The following PEBP4 variants were observed in gnomAD, a reference collection of about 807,000 sequenced individuals.
The protein encoded by PEBP4 is phosphatidylethanolamine binding protein 4.
Under a neutral mutation model 23.9 loss-of-function variants are expected in PEBP4, and 22 were observed. The observed-to-expected ratio is 0.92, with a 90% CI of 0.66 to 1.31. PEBP4 has a LOEUF of 1.31. PEBP4 is among the 40% of genes most tolerant of loss of function. The probability of loss-of-function intolerance (pLI) is 0.00; values close to 1 mark genes in which losing one functional copy is unlikely to be tolerated. For missense variants in PEBP4, 324 were observed against 281.7 expected (o/e 1.15, Z -1.07); for synonymous variants, 112 against 99.3 (o/e 1.13, Z -0.76).
upstream of PEBP4, among the ~76,000 whole-genome samples, chr8:22,929,487 C>T (rs1293318118): frequency 1.3e-5 from 2 of 152,242 alleles, no homozygotes; most frequent in Admixed American, 6.5e-5. Flanking sequence ...GTTGAGCCCA[C>T]TTCCAGTGGC....
intron 3 of PEBP4, among the ~76,000 whole-genome samples, chr8:22,858,981 A>G (rs1455433635): frequency 6.6e-6 from 1 of 152,164 alleles, no homozygotes; most frequent in East Asian, 1.9e-4. Flanking sequence ...ACTACACAGA[A>G]GGGACTACCT....
At chr8:22,936,201 CA>C (rs1395991145) in intron 1 of PEBP4, among the ~76,000 whole-genome samples, 1 of 150,970 alleles carries the variant, frequency 6.6e-6, no homozygotes, top group Non-Finnish European at 1.5e-5. Context: ...AGAGAAGACT[CA>C]AATTACTAAA....
chr8:22,864,804 G>A (rs1807851466), intron 3 of PEBP4, among the ~76,000 whole-genome samples: 1 of 152,244 alleles, frequency 6.6e-6, no homozygotes, highest in Non-Finnish European at 1.5e-5. Flanking sequence ...GTCCTAGCGG[G>A]TAGTACGCAC....
intron 1 of PEBP4, among the ~76,000 whole-genome samples, chr8:22,940,357 A>G (rs1416288358): frequency 6.6e-6 from 1 of 152,214 alleles, no homozygotes; most frequent in Non-Finnish European, 1.5e-5. Flanking sequence ...GAGGAGAATT[A>G]GAGAAATGTT....
chr8:22,834,909 C>T (rs914492556), intron 3 of PEBP4, among the ~76,000 whole-genome samples: 1 of 152,142 alleles, frequency 6.6e-6, no homozygotes, highest in Non-Finnish European at 1.5e-5. Flanking sequence ...GCCCAGGATT[C>T]AGCCCCTAGA....
rs866202787 is a variant in PEBP4 at position 22,915,879 on chromosome 8, C to T, written c.258+4305G>A. On this transcript the variant is annotated intron_variant, in intron 3 of 6. Coordinates refer to ENST00000256404, the MANE Select transcript of PEBP4 (RefSeq NM_144962.3). ...GTATACAGAGAAGGGTTGGTAGGGG[C>T]GGTGGACCTGTGAGTTCCGAGCTCT... Among the ~76,000 whole-genome samples the T allele has an allele frequency of 5.9e-5, 9 of 152,180 alleles. No homozygotes were observed. In the South Asian group the frequency reaches 1.0e-3, roughly 17 times the overall value.
At chr8:22,741,773 G>A (rs779132830) in intron 4 of PEBP4, among the ~76,000 whole-genome samples, 5 of 152,208 alleles carry the variant, frequency 3.3e-5, no homozygotes, top group East Asian at 1.9e-4. Flanking sequence ...GCAGGAGAGC[G>A]GGGTTGGGGG....
At chr8:22,890,314 T>G (rs576693413) in intron 3 of PEBP4, among the ~76,000 whole-genome samples, 3 of 152,322 alleles carry the variant, frequency 2.0e-5, no homozygotes, top group Non-Finnish European at 4.4e-5. Flanking sequence ...CAATGGCACA[T>G]TTCTACCAAG....
At chr8:22,807,770 A>T (rs1806529129) in intron 4 of PEBP4, among the ~76,000 whole-genome samples, 1 of 151,994 alleles carries the variant, frequency 6.6e-6, no homozygotes, top group South Asian at 2.1e-4. Flanking sequence ...CCATCCATAT[A>T]TCTGTCCACC....
At chr8:22,726,030 T>TGTGTGTGCGC (rs60294653) in intron 5 of PEBP4, among the ~76,000 whole-genome samples, 1 of 148,818 alleles carries the variant, frequency 6.7e-6, no homozygotes, top group Non-Finnish European at 1.5e-5. Flanking sequence ...TGTGTGTGTG[T>TGTGTGTGCGC]GCACGCGCAT....
At chr8:22,921,499 C>G (rs1206946208) in intron 2 of PEBP4, among the ~76,000 whole-genome samples, 2 of 152,202 alleles carry the variant, frequency 1.3e-5, no homozygotes, top group African/African-American at 2.4e-5. Context: ...GTGGGGAACC[C>G]TGCATTGCCC....
intron 3 of PEBP4, among the ~76,000 whole-genome samples, chr8:22,900,818 G>A (rs796786525): frequency 3.3e-5 from 5 of 152,060 alleles, no homozygotes; most frequent in African/African-American, 7.2e-5. Context: ...TTTTATATGC[G>A]TCACAGGGCT....
intron 4 of PEBP4, among the ~76,000 whole-genome samples, chr8:22,776,069 C>T (rs1805808496): frequency 6.6e-6 from 1 of 152,100 alleles, no homozygotes; most frequent in African/African-American, 2.4e-5. Context: ...TCTCCAGGGC[C>T]CTGGGGACCA....
chr8:22,834,031 T>C (rs1459640158), intron 3 of PEBP4, among the ~76,000 whole-genome samples: 1 of 152,202 alleles, frequency 6.6e-6, no homozygotes, highest in African/African-American at 2.4e-5. Flanking sequence ...ATGTGTCTTC[T>C]TCATAAAGAG....
intron 4 of PEBP4, among the ~76,000 whole-genome samples, chr8:22,772,663 G>A (rs914008915): frequency 2.6e-5 from 4 of 152,082 alleles, no homozygotes; most frequent in Non-Finnish European, 4.4e-5. Flanking sequence ...GAGGAAACCA[G>A]CAGTCAGAGA....
At chr8:22,912,930 T>G (rs937778305) in intron 3 of PEBP4, among the ~76,000 whole-genome samples, 2 of 152,174 alleles carry the variant, frequency 1.3e-5, no homozygotes, top group African/African-American at 4.8e-5. Context: ...CACACCTGGC[T>G]CCGCCTGTTA....
chr8:22,714,857 C>T (rs187428735), intron 6 of PEBP4, among the ~76,000 whole-genome samples: 2 of 152,278 alleles, frequency 1.3e-5, no homozygotes, highest in East Asian at 3.9e-4. Flanking sequence ...AAGATGTTCT[C>T]AAGGAGAGGA....
chr8:22,811,603 G>C (rs1424934909), intron 4 of PEBP4, among the ~76,000 whole-genome samples: 1 of 152,188 alleles, frequency 6.6e-6, no homozygotes, highest in Non-Finnish European at 1.5e-5. Flanking sequence ...CCATAGGCCT[G>C]GCTGTCACTT....
intron 4 of PEBP4, among the ~76,000 whole-genome samples, chr8:22,777,964 A>C (rs1186239383): frequency 6.6e-6 from 1 of 151,750 alleles, no homozygotes; most frequent in Non-Finnish European, 1.5e-5. Flanking sequence ...CCGTCATCAC[A>C]CTCAGCTTTT....
Sources: allele counts gnomAD v4.1 joint callset (sites outside exome capture counted in the v4.1 genomes callset), GRCh38; gene constraint gnomAD v4.1.1; transcripts MANE v1.5; gene names NCBI Gene and HGNC (gene_info 2026-07-23, HGNC 2026-07-21).